The following TUBA1A variants were observed in gnomAD, a reference collection of about 807,000 sequenced individuals.
TUBA1A encodes tubulin alpha 1a, also known as tubulin alpha-1A chain.
A neutral mutation model predicts 34.6 loss-of-function variants in TUBA1A; 7 were observed. That is an observed-to-expected ratio of 0.20 (90% CI 0.11 to 0.38). The LOEUF is 0.38. Among genes scored for constraint, TUBA1A ranks in the 10% least tolerant of loss-of-function variants. The pLI, the probability that TUBA1A is intolerant of heterozygous loss-of-function variation, is 1.00. For missense variants in TUBA1A, 19 were observed against 581.3 expected (o/e 0.03, Z 9.95); for synonymous variants, 193 against 210.2 (o/e 0.92, Z 0.71).
chr12:49,187,556 T>A, intron 1 of TUBA1A: 1 of 985,368 alleles, frequency 1.0e-6, no homozygotes, highest in African/African-American at 1.7e-5. Context: ...GACAACGGGA[T>A]GCGGAGTATA....
Position 49,188,059 on chromosome 12 carries a change from A to C in TUBA1A, c.3+918T>G. On this transcript the variant is annotated intron_variant, in intron 1 of 3. Coordinates refer to ENST00000301071, the MANE Select transcript of TUBA1A (RefSeq NM_006009.4). The surrounding 1 kb of genome is among the most constrained non-coding windows in gnomAD (Gnocchi z 4.9). ...ACACACACACACACTTCAGTCGGTC[A>C]GGGCAGGGCGTCCCACAGACACACA... 1.1e-6 allele frequency: 1 copy of C among 941,286 alleles called. No individual in the cohort carries two copies. The highest frequency in any genetic ancestry group is 1.2e-6 in the Non-Finnish European group (1 of 803,644). The allele number at this position is 941,286 out of a possible 1,614,324, so 58.3% of individuals were successfully genotyped here.
chr12:49,188,660 GC>G lies in TUBA1A; in HGVS notation c.3+316del. The G allele has an allele frequency of 1.4e-6, 2 of 1,433,848 alleles. No homozygotes were observed. The highest frequency in any genetic ancestry group is 1.8e-6 in the Non-Finnish European group (2 of 1,099,964). The allele number at this position is 1,433,848 out of a possible 1,614,324, so 88.8% of individuals were successfully genotyped here. Reference sequence around the variant, plus strand: ...CACAGACACGGGGCCCAGCCGGGACGCCCCAGACCCCTCGGTCGCGGCAGAC... The same window carrying G: ...CACAGACACGGGGCCCAGCCGGGACGCCCAGACCCCTCGGTCGCGGCAGAC... On this transcript the variant is annotated intron_variant, in intron 1 of 3. Coordinates refer to ENST00000301071, the MANE Select transcript of TUBA1A (RefSeq NM_006009.4). This position sits in a 1 kb window ranked among gnomAD's most constrained non-coding sequence, Gnocchi z 4.9.
In TUBA1A at chr12:49,189,045, G is replaced by C. The variant is rs1174966908; in HGVS notation, c.-66C>G. 8.7e-6 allele frequency: 14 copies of C among 1,607,260 alleles called. No homozygotes were observed. The highest frequency in any genetic ancestry group is 1.2e-5 in the Non-Finnish European group (14 of 1,173,922). On this transcript the variant is annotated 5_prime_UTR_variant, in exon 1 of 4. Transcript: ENST00000301071. The stretch of plus-strand genomic sequence containing the variant: ...AGAGGAGAGGTTGTTGCTTCTTACA[G>C]CGCGACTCTTAGGCGGTCGATGTAA...
At position 49,184,898 on chromosome 12, in the gene TUBA1A, A is replaced by G. The variant is rs1942159133; in HGVS notation, c.*112T>C. 2 of 1,545,898 alleles carry G rather than the reference A, an allele frequency of 1.3e-6. No homozygotes were observed. Among genetic ancestry groups the G allele is most frequent in the Non-Finnish European group, 1.8e-6 (2 of 1,120,284 alleles). Reference sequence around the variant, plus strand: ...TTTTAGAGCATAGGTCAGTAATTGTATATGAGAGCATACACTGCTACATAC... The same window carrying G: ...TTTTAGAGCATAGGTCAGTAATTGTGTATGAGAGCATACACTGCTACATAC... On this transcript the variant is annotated 3_prime_UTR_variant, in exon 4 of 4. Transcript: ENST00000301071.
Position 49,185,016 on chromosome 12 carries a change from T to C in TUBA1A, c.1350A>G (p.Glu450=), listed in dbSNP as rs1334149434. Residue 450 remains glutamate (E), a synonymous_variant, in exon 4 of 4, where the codon GAA becomes GAG. Transcript: ENST00000301071. The stretch of plus-strand genomic sequence containing the variant: ...CCTTTGTGACGTTTTAACTTTAGTA[T>C]TCCTCTCCTTCTTCCTCACCCTCTC... The part of the protein sequence containing the change: ...VEGEGEEEGE[E]Y The C allele has an allele frequency of 1.2e-6, 2 of 1,614,014 alleles. No homozygotes were observed. The highest frequency in any genetic ancestry group is 2.2e-5 in the East Asian group (1 of 44,898).
rs1423476440 is a variant in TUBA1A, at chr12:49,188,343, A to G, written c.3+634T>C. On this transcript the variant is annotated intron_variant, in intron 1 of 3. Transcript: ENST00000301071. The surrounding 1 kb of genome is among the most constrained non-coding windows in gnomAD (Gnocchi z 4.9). ...CCCCGCCCAGTGGCTCCAACGCCAT[A>G]GAAGCCAGAAACAAACAACCCCGCC... 15 of 1,529,698 alleles carry G rather than the reference A, an allele frequency of 9.8e-6. No homozygotes were observed. The highest frequency in any genetic ancestry group is 4.1e-5 in the African/African-American group (3 of 72,824). The allele number at this position is 1,529,698 out of a possible 1,614,324, so 94.8% of individuals were successfully genotyped here.
In TUBA1A at chr12:49,188,344, G is replaced by A. The variant is rs1665665148; in HGVS notation, c.3+633C>T. ...CCCGCCCAGTGGCTCCAACGCCATA[G>A]AAGCCAGAAACAAACAACCCCGCCC... On this transcript the variant is annotated intron_variant, in intron 1 of 3. Coordinates refer to ENST00000301071, the MANE Select transcript of TUBA1A (RefSeq NM_006009.4). The surrounding 1 kb of genome is among the most constrained non-coding windows in gnomAD (Gnocchi z 4.9). 3.9e-6 allele frequency: 6 copies of A among 1,531,522 alleles called. No individual in the cohort carries two copies. The highest frequency in any genetic ancestry group is 4.4e-6 in the Non-Finnish European group (5 of 1,143,810). The allele number at this position is 1,531,522 out of a possible 1,614,324, so 94.9% of individuals were successfully genotyped here.
chr12:49,187,083 T>A (rs972944248), intron 1 of TUBA1A: 1 of 1,369,374 alleles, frequency 7.3e-7, no homozygotes, highest in African/African-American at 1.5e-5. Context: ...CCTACTACCA[T>A]GCTTGAATAG....
Position 49,188,303 on chromosome 12 carries a change from T to G in TUBA1A, c.3+674A>C. 2 of 1,479,268 alleles carry G rather than the reference T, an allele frequency of 1.4e-6. No homozygotes were observed. The highest frequency in any genetic ancestry group is 1.3e-5 in the South Asian group (1 of 79,292). 91.6% of individuals were successfully genotyped at this position (1,479,268 alleles called of 1,614,324 possible). On this transcript the variant is annotated intron_variant, in intron 1 of 3. Transcript: ENST00000301071. This position sits in a 1 kb window ranked among gnomAD's most constrained non-coding sequence, Gnocchi z 4.9. ...TTCAGTCAGCTCCTGACAGAAGAGG[T>G]TCAGTGAGGGCGAACCCCGCCCAGT... is the stretch of plus-strand genomic sequence containing the variant.
chr12:49,188,112 A>ACACACACACT lies in TUBA1A; in HGVS notation c.3+864_3+865insAGTGTGTGTG, dbSNP rs1400227040. The ACACACACACT allele has an allele frequency of 6.1e-6, 6 of 980,720 alleles. No homozygotes were observed. The African/African-American group carries it at 9.0e-5, about 15-fold the overall frequency. 60.8% of individuals were successfully genotyped at this position (980,720 alleles called of 1,614,324 possible). A position where few individuals can be genotyped will look rare whatever the true frequency, so the allele number is the denominator to read the frequency against. The stretch of plus-strand genomic sequence containing the variant: ...CACACACACACACACACACACACAC[A>ACACACACACT]CTTCAGTCGGTCAGGGCAGGGCGTC... On this transcript the variant is annotated intron_variant, in intron 1 of 3. Coordinates refer to ENST00000301071, the MANE Select transcript of TUBA1A (RefSeq NM_006009.4). The surrounding 1 kb of genome is among the most constrained non-coding windows in gnomAD (Gnocchi z 4.9).
At position 49,185,203 on chromosome 12, in the gene TUBA1A, C is replaced by T; in HGVS notation, c.1163G>A (p.Trp388Ter). The change falls in exon 4 of 4, where the codon TGG becomes TAG. Residue 388 changes from tryptophan to a stop codon, truncating the protein, a stop_gained. Transcript: ENST00000301071. LOFTEE classifies it high-confidence loss of function. ...LSNTTAIAEA[W>*]ARLDHKFDLM... ...GTCAAACTTGTGGTCCAGGCGAGCCCAGGCCTCAGCAATGGCTGTGGTGTT... is the reference window on the plus strand; with the variant it reads ...GTCAAACTTGTGGTCCAGGCGAGCCTAGGCCTCAGCAATGGCTGTGGTGTT... The T allele has an allele frequency of 6.2e-7, 1 of 1,614,158 alleles. No individual in the cohort carries two copies. Among genetic ancestry groups the T allele is most frequent in the Non-Finnish European group, 8.5e-7 (1 of 1,180,034 alleles).
intron 1 of TUBA1A, chr12:49,187,631 TCTC>T (rs1414092375): frequency 2.0e-6 from 2 of 984,552 alleles, no homozygotes; most frequent in Admixed American, 6.2e-5. Flanking sequence ...TTCCAGATCT[TCTC>T]CACTGTAAAA....
rs1942186856 is a variant in TUBA1A at position 49,186,761 on chromosome 12, G to A, written c.76C>T (p.Leu26=). 1 of 1,614,216 alleles carries A rather than the reference G, an allele frequency of 6.2e-7. No homozygotes were observed. The highest frequency in any genetic ancestry group is 1.3e-5 in the African/African-American group (1 of 75,054). The change falls in exon 2 of 4, where the codon CTG becomes TTG. Residue 26 remains leucine (L), a synonymous_variant. Coordinates refer to ENST00000301071, the MANE Select transcript of TUBA1A (RefSeq NM_006009.4). This position sits in a 1 kb window ranked among gnomAD's most constrained non-coding sequence, Gnocchi z 6.6. The part of the protein sequence containing the change: ...IGNACWELYC[L]EHGIQPDGQM... ...CCATCGGGCTGGATGCCGTGTTCCA[G>A]GCAGTAGAGCTCCCAGCAGGCATTG...
At position 49,186,018 on chromosome 12, in the gene TUBA1A, A is replaced by G. The variant is rs1942176504; in HGVS notation, c.376-28T>C. The G allele has an allele frequency of 1.2e-6, 2 of 1,613,864 alleles. No homozygotes were observed. The highest frequency in any genetic ancestry group is 1.7e-5 in the Admixed American group (1 of 59,916). On this transcript the variant is annotated intron_variant, in intron 3 of 3. Coordinates refer to ENST00000301071, the MANE Select transcript of TUBA1A (RefSeq NM_006009.4). The surrounding 1 kb of genome is among the most constrained non-coding windows in gnomAD (Gnocchi z 6.6). ...ATAACAAAAGAGAGGAACAGAGGAAAGGTTAAGTTTTTATTCTTTGTAGTA... is the reference window on the plus strand; with the variant it reads ...ATAACAAAAGAGAGGAACAGAGGAAGGGTTAAGTTTTTATTCTTTGTAGTA...
rs36182571 is a variant in TUBA1A at position 49,187,596 on chromosome 12, CT to C, written c.4-764del. The C allele has an allele frequency of 4.7e-4, 443 of 947,688 alleles. 3 individuals are homozygous for C. The African/African-American group carries it at 6.1e-3, about 13-fold the overall frequency. 58.7% of individuals were successfully genotyped at this position (947,688 alleles called of 1,614,324 possible). On this transcript the variant is annotated intron_variant, in intron 1 of 3. Transcript: ENST00000301071. ...TTCTTTGTCTGTAGCAATTTCATTA[CT>C]TTTTTTTTTAAAAAAAAAGGTTTTT... is the stretch of plus-strand genomic sequence containing the variant.
rs1392274019 is a variant in TUBA1A, at chr12:49,188,873, C to T, written c.3+104G>A. 1.7e-5 allele frequency: 28 copies of T among 1,612,376 alleles called. No individual in the cohort carries two copies. Among genetic ancestry groups the T allele is most frequent in the Non-Finnish European group, 2.4e-5 (28 of 1,179,934 alleles). On this transcript the variant is annotated intron_variant, in intron 1 of 3. Coordinates refer to ENST00000301071, the MANE Select transcript of TUBA1A (RefSeq NM_006009.4). This position sits in a 1 kb window ranked among gnomAD's most constrained non-coding sequence, Gnocchi z 4.9. The stretch of plus-strand genomic sequence containing the variant: ...ACCTCACAAAACATACCACCACCCT[C>T]GCCCAGAGAGCTTACGAAAGAAAAG...
In TUBA1A at chr12:49,186,085, G is replaced by C; in HGVS notation, c.376-95C>G. 1 of 1,558,404 alleles carries C rather than the reference G, an allele frequency of 6.4e-7. No homozygotes were observed. Among genetic ancestry groups the C allele is most frequent in the Non-Finnish European group, 8.7e-7 (1 of 1,150,350 alleles). On this transcript the variant is annotated intron_variant, in intron 3 of 3. Transcript: ENST00000301071. This position sits in a 1 kb window ranked among gnomAD's most constrained non-coding sequence, Gnocchi z 6.6. ...ATTTTCACTTTTCATACATCTTCCA[G>C]GACTTAGATCTTATTTTGACAAATG...
In TUBA1A at chr12:49,186,524, G is replaced by C. The variant is rs774637981; in HGVS notation, c.227-66C>G. 6.2e-7 allele frequency: 1 copy of C among 1,612,596 alleles called. No individual in the cohort carries two copies. Among genetic ancestry groups the C allele is most frequent in the African/African-American group, 1.3e-5 (1 of 74,876 alleles). On this transcript the variant is annotated intron_variant, in intron 2 of 3. Transcript: ENST00000301071. The surrounding 1 kb of genome is among the most constrained non-coding windows in gnomAD (Gnocchi z 6.6). ...GAGGGACGAGGAGCGGGGAGGGAGA[G>C]TGGGTGAGTGACCAGCGGAGCCCCC...
At position 49,184,989 on chromosome 12, in the gene TUBA1A, C is replaced by T; in HGVS notation, c.*21G>A. The T allele has an allele frequency of 1.9e-6, 3 of 1,614,010 alleles. No individual in the cohort carries two copies. The highest frequency in any genetic ancestry group is 2.2e-5 in the East Asian group (1 of 44,892). On this transcript the variant is annotated 3_prime_UTR_variant, in exon 4 of 4. Transcript: ENST00000301071. ...AGAATAAGCTTCCCTGTAAAAGCAG[C>T]ACCTTTGTGACGTTTTAACTTTAGT...
Sources: gnomAD v4.1 joint callset for allele counts on GRCh38, gnomAD v4.1.1 for gene constraint, Gnocchi (gnomAD v3.1) non-coding constraint, MANE v1.5 for transcripts, NCBI Gene and HGNC (gene_info 2026-07-23, HGNC 2026-07-21) for gene names.